PVT1: variants seen among roughly 807,000 people sequenced by gnomAD.
PVT1 encodes the protein Pvt1 oncogene.
At chr8:127,942,618 A>G (rs1195276579) in intron 3 of PVT1, among the ~76,000 whole-genome samples, 1 of 152,240 alleles carries the variant, frequency 6.6e-6, no homozygotes. Context: ...ACTGTTGACC[A>G]GGATGAGTGA....
At chr8:127,899,089 ACTGGGGGGCCC>A (rs1815727022) in intron 3 of PVT1, among the ~76,000 whole-genome samples, 1 of 152,202 alleles carries the variant, frequency 6.6e-6, no homozygotes, top group Admixed American at 6.5e-5. Flanking sequence ...CTTTCTGCTC[ACTGGGGGGCCC>A]CAGAAGCTTC....
intron 4 of PVT1, among the ~76,000 whole-genome samples, chr8:128,019,757 C>T (rs961894804): frequency 6.6e-6 from 1 of 152,164 alleles, no homozygotes; most frequent in Non-Finnish European, 1.5e-5. Flanking sequence ...TGTGTTGCTT[C>T]TGGAAAGGCA....
intron 4 of PVT1, among the ~76,000 whole-genome samples, chr8:128,027,421 A>T (rs1319002378): frequency 6.6e-6 from 1 of 152,156 alleles, no homozygotes; most frequent in East Asian, 1.9e-4. Context: ...GGGGACAGGC[A>T]TCCTATATCC....
At chr8:127,953,799 CT>C (rs1220760645) in intron 3 of PVT1, among the ~76,000 whole-genome samples, 3 of 151,928 alleles carry the variant, frequency 2.0e-5, no homozygotes, top group African/African-American at 7.3e-5. Context: ...TTTTTTTCTT[CT>C]TTTCTTTCCT....
chr8:127,975,335 A>AT (rs1816811791), intron 3 of PVT1, among the ~76,000 whole-genome samples: 1 of 152,226 alleles, frequency 6.6e-6, no homozygotes, highest in African/African-American at 2.4e-5. Flanking sequence ...GCTTAAAAAA[A>AT]TTATCATTCA....
intron 3 of PVT1, among the ~76,000 whole-genome samples, chr8:127,969,227 A>G (rs920927262): frequency 1.3e-5 from 2 of 152,114 alleles, no homozygotes; most frequent in East Asian, 3.9e-4. Context: ...GGTATTTATT[A>G]TGTCATAGGA....
rs567205763 is a variant in PVT1 at position 127,845,621 on chromosome 8, C to T, written n.373-44968C>T. Among the ~76,000 whole-genome samples, 24 of 152,326 alleles carry T rather than the reference C, an allele frequency of 1.6e-4. 1 individual carries two copies. The South Asian group carries it at 5.0e-3, about 32-fold the overall frequency. On this transcript the variant is annotated intron_variant and non_coding_transcript_variant, in intron 2 of 10. Transcript: ENST00000651587. The stretch of plus-strand genomic sequence containing the variant: ...TATATAGCAGACTCAACATTATTGT[C>T]TTCCACCTACCGGATGGGATTATGC...
chr8:127,806,041 A>G (rs1374791482), intron 2 of PVT1, among the ~76,000 whole-genome samples: 1 of 152,266 alleles, frequency 6.6e-6, no homozygotes, highest in Non-Finnish European at 1.5e-5. Context: ...GATATTTGCA[A>G]TATTTATAAC....
intron 4 of PVT1, among the ~76,000 whole-genome samples, chr8:128,061,327 C>T (rs1031567329): frequency 7.2e-5 from 11 of 152,172 alleles, no homozygotes; most frequent in African/African-American, 2.7e-4. Context: ...ACAACATATA[C>T]TTCATTCTTT....
chr8:127,978,806 T>C (rs986915408), intron 3 of PVT1, among the ~76,000 whole-genome samples: 45 of 152,298 alleles, frequency 3.0e-4, no homozygotes, highest in African/African-American at 1.1e-3. Context: ...ATAATTTTTT[T>C]TGGAGACAAG....
intron 2 of PVT1, among the ~76,000 whole-genome samples, chr8:127,877,815 A>G (rs1815421829): frequency 6.6e-6 from 1 of 151,940 alleles, no homozygotes; most frequent in African/African-American, 2.4e-5. Flanking sequence ...AGTCCCAGCT[A>G]CTCTGGAGGC....
chr8:127,929,362 A>G (rs1816173108), intron 3 of PVT1, among the ~76,000 whole-genome samples: 1 of 152,144 alleles, frequency 6.6e-6, no homozygotes, highest in South Asian at 2.1e-4. Context: ...CCAATTAAAA[A>G]TGATTGGGTG....
chr8:127,858,407 A>AAAAT (rs374974740), intron 2 of PVT1, among the ~76,000 whole-genome samples: 57,484 of 141,684 alleles, frequency 0.41, 12,069 homozygotes, highest in Middle Eastern at 0.54. Context: ...ACTCTGTCTC[A>AAAAT]AAATAAATAA....
intron 3 of PVT1, among the ~76,000 whole-genome samples, chr8:127,938,249 G>A (rs945269209): frequency 6.6e-6 from 1 of 152,174 alleles, no homozygotes. Flanking sequence ...AAATGTGAGC[G>A]AGATTGACAA....
At chr8:127,886,491 G>A (rs1815525836) in intron 2 of PVT1, among the ~76,000 whole-genome samples, 1 of 151,992 alleles carries the variant, frequency 6.6e-6, no homozygotes, top group South Asian at 2.1e-4. Flanking sequence ...GGTCTCTGAG[G>A]CTCTCTTCAA....
chr8:127,991,165 C>A (rs6995132), intron 4 of PVT1, among the ~76,000 whole-genome samples: 2 of 121,256 alleles, frequency 1.6e-5, no homozygotes, highest in East Asian at 2.3e-4. Flanking sequence ...TTTTTTGAGA[C>A]GGAATCTTGC....
At chr8:128,085,015 G>A (rs1382564044) in intron 5 of PVT1, among the ~76,000 whole-genome samples, 2 of 152,194 alleles carry the variant, frequency 1.3e-5, no homozygotes, top group Admixed American at 6.5e-5. Context: ...AAATGACCTT[G>A]TTCCTTGATA....
intron 3 of PVT1, among the ~76,000 whole-genome samples, chr8:127,915,563 G>GGCTCC (rs1815973300): frequency 7.7e-6 from 1 of 129,896 alleles, no homozygotes; most frequent in Admixed American, 9.3e-5. Flanking sequence ...GGTGAGCCGA[G>GGCTCC]ATTGCATCAT....
At chr8:127,817,547 ACAC>A (rs1814680297) in intron 2 of PVT1, among the ~76,000 whole-genome samples, 19 of 57,492 alleles carry the variant, frequency 3.3e-4, no homozygotes, top group Admixed American at 8.9e-4. Flanking sequence ...ATATATATAT[ACAC>A]ACACACACAC....
Sources: gnomAD v4.1 joint callset for allele counts (sites outside exome capture counted in the v4.1 genomes callset) on GRCh38, gnomAD v4.1.1 for gene constraint, MANE v1.5 for transcripts, NCBI Gene and HGNC (gene_info 2026-07-23, HGNC 2026-07-21) for gene names.